DNM1L: variants seen among roughly 807,000 people sequenced by gnomAD.
DNM1L encodes the protein dynamin 1L.
Under a neutral mutation model 92.8 loss-of-function variants are expected in DNM1L, and 33 were observed. That is an observed-to-expected ratio of 0.36 (90% CI 0.27 to 0.48). The LOEUF is 0.48. DNM1L is among the 20% of genes least tolerant of loss of function. DNM1L has a pLI of 0.99. For synonymous variants in DNM1L, 284 were observed against 305.0 expected (o/e 0.93, Z 0.72); for missense variants, 485 against 888.8 (o/e 0.55, Z 5.78).
At chr12:32,741,687 G>C (rs376484103) in intron 18 of DNM1L, among the ~76,000 whole-genome samples, 2 of 152,144 alleles carry the variant, frequency 1.3e-5, no homozygotes, top group East Asian at 3.9e-4. Flanking sequence ...ATGTGTTCCC[G>C]TTAGATTATG....
chr12:32,706,319 G>A (rs184095090), intron 2 of DNM1L, among the ~76,000 whole-genome samples: 1 of 152,246 alleles, frequency 6.6e-6, no homozygotes, highest in East Asian at 1.9e-4. Context: ...CTGTTTGTCT[G>A]AATATCTTAT....
intron 1 of DNM1L, among the ~76,000 whole-genome samples, chr12:32,696,612 AG>A (rs1168650693): frequency 6.6e-6 from 1 of 151,088 alleles, no homozygotes; most frequent in Non-Finnish European, 1.5e-5. Flanking sequence ...AAAAAAAAAA[AG>A]AAAAATAATC....
intron 18 of DNM1L, 123 bp from the exon 19 acceptor site, chr12:32,742,465 AT>A (rs1196024703): frequency 8.2e-7 from 1 of 1,214,586 alleles, no homozygotes; most frequent in African/African-American, 1.5e-5. Context: ...CGATTATGCC[AT>A]TAATGAAATA....
At chr12:32,710,686 A>G (rs998786639) in intron 4 of DNM1L, among the ~76,000 whole-genome samples, 4 of 152,138 alleles carry the variant, frequency 2.6e-5, no homozygotes, top group African/African-American at 9.6e-5. Context: ...AATGTAAAAT[A>G]ATACATGGTA....
chr12:32,726,706 C>A, intron 9 of DNM1L: 1 of 645,668 alleles, frequency 1.5e-6, no homozygotes, highest in Non-Finnish European at 2.8e-6. Context: ...CGAATTGTCC[C>A]ATGTCCCTAG....
intron 7 of DNM1L, among the ~76,000 whole-genome samples, chr12:32,720,449 C>G (rs1953752655): frequency 6.6e-6 from 1 of 152,276 alleles, no homozygotes; most frequent in Non-Finnish European, 1.5e-5. Flanking sequence ...CTTGGCTATG[C>G]CAGTTAGTGT....
chr12:32,703,614 C>CAAAAAA (rs61051514), intron 2 of DNM1L, among the ~76,000 whole-genome samples: 1 of 86,894 alleles, frequency 1.2e-5, no homozygotes, highest in Non-Finnish European at 2.5e-5. Flanking sequence ...CATAAACTTT[C>CAAAAAA]AAAAAAAAAA....
intron 17 of DNM1L, 71 bp from the exon 18 acceptor site, chr12:32,740,338 A>C: frequency 6.2e-7 from 1 of 1,609,998 alleles, no homozygotes; most frequent in Admixed American, 1.7e-5. Flanking sequence ...AAACTTACAT[A>C]ACTTTCAGAT....
chr12:32,740,964 TCTC>T (rs986311096), intron 18 of DNM1L, among the ~76,000 whole-genome samples: 1 of 152,226 alleles, frequency 6.6e-6, no homozygotes, highest in Non-Finnish European at 1.5e-5. Flanking sequence ...TACTGCATCT[TCTC>T]CTTCATGTTG....
intron 1 of DNM1L, among the ~76,000 whole-genome samples, chr12:32,685,332 C>G (rs11829276): frequency 0.14 from 21,233 of 150,386 alleles, 1,556 homozygotes; most frequent in Middle Eastern, 0.19. Flanking sequence ...TGAAAAACTA[C>G]CAAAGTGTTT....
intron 6 of DNM1L, among the ~76,000 whole-genome samples, chr12:32,718,027 A>ATACTATACATACT (rs1555121283): frequency 2.4e-5 from 3 of 126,062 alleles, no homozygotes. Context: ...ATATATTATA[A>ATACTATACATACT]ATATATACTA....
intron 1 of DNM1L, chr12:32,679,789 G>T (rs1245505230): frequency 9.6e-7 from 1 of 1,044,624 alleles, no homozygotes; most frequent in Non-Finnish European, 1.2e-6. Flanking sequence ...GGGACCGGGC[G>T]CGGCCTCGTC....
chr12:32,696,434 C>T lies in DNM1L; in HGVS notation c.103-4981C>T, dbSNP rs116428785. Among the ~76,000 whole-genome samples the T allele has an allele frequency of 1.3e-3, 195 of 150,968 alleles. 1 individual carries two copies. Among genetic ancestry groups the T allele is most frequent in the African/African-American group, 4.6e-3 (188 of 41,056 alleles). ...CACACACAATATAGTGAGACCCTGT[C>T]TACACACGCATGCATGCACACGCTG... On this transcript the variant is annotated intron_variant, in intron 1 of 19. Transcript: ENST00000549701.
At chr12:32,718,180 C>CGACA (rs1165573713) in intron 6 of DNM1L, among the ~76,000 whole-genome samples, 2 of 145,480 alleles carry the variant, frequency 1.4e-5, no homozygotes, top group Non-Finnish European at 3.0e-5. Context: ...CCTGCTCTGT[C>CGACA]ACCCAGGCCG....
intron 1 of DNM1L, among the ~76,000 whole-genome samples, chr12:32,681,417 G>C (rs1241966085): frequency 6.6e-6 from 1 of 152,084 alleles, no homozygotes; most frequent in Non-Finnish European, 1.5e-5. Flanking sequence ...TGGGCATGGT[G>C]GTGCGAACCT....
chr12:32,690,035 A>G (rs11829963), intron 1 of DNM1L, among the ~76,000 whole-genome samples: 23,420 of 152,246 alleles, frequency 0.15, 1,905 homozygotes, highest in Middle Eastern at 0.21. Context: ...GATTTTCAGA[A>G]CAAGCTAGCT....
chr12:32,722,383 TAC>T (rs767197598), intron 8 of DNM1L, 42 bp from the exon 9 acceptor site: 25 of 1,557,744 alleles, frequency 1.6e-5, no homozygotes, highest in Non-Finnish European at 1.8e-5. Context: ...GGCTTTAGAA[TAC>T]ACAATTTTAC....
chr12:32,722,389 A>G (rs759212487), intron 8 of DNM1L, 38 bp from the exon 9 acceptor site: 8 of 1,582,512 alleles, frequency 5.1e-6, no homozygotes, highest in Non-Finnish European at 6.9e-6. Context: ...AGAATACACA[A>G]TTTTACTTTT....
At chr12:32,705,863 G>C in intron 2 of DNM1L, 1 of 1,597,732 alleles carries the variant, frequency 6.3e-7, no homozygotes, top group Non-Finnish European at 8.5e-7. Context: ...CCTTTCTAAA[G>C]GTTTCCTTTA....
Sources: gnomAD v4.1 joint callset for allele counts (sites outside exome capture counted in the v4.1 genomes callset) on GRCh38, gnomAD v4.1.1 for gene constraint, MANE v1.5 for transcripts, NCBI Gene and HGNC (gene_info 2026-07-23, HGNC 2026-07-21) for gene names.